ARFGEF3: variants seen among roughly 807,000 people sequenced by gnomAD.
ARFGEF3 encodes the protein ARFGEF family member 3.
A neutral mutation model predicts 221.7 loss-of-function variants in ARFGEF3; 96 were observed. The ratio of observed to expected loss-of-function variants is 0.43; its 90% CI spans 0.37 to 0.51. The LOEUF (loss-of-function observed/expected upper bound fraction) is 0.51. Ranked by LOEUF, ARFGEF3 falls within the 20% of genes least tolerant of loss-of-function variation. ARFGEF3 has a pLI of 0.00. For missense variants in ARFGEF3, 2,410 were observed against 2,789.9 expected, an observed-to-expected ratio of 0.86 and a Z score of 3.07; for synonymous variants, 1,145 against 1,126.8, an observed-to-expected ratio of 1.02 and a Z score of -0.32.
intron 17 of ARFGEF3, among the ~76,000 whole-genome samples, chr6:138,287,569 T>G (rs749522210): frequency 6.6e-6 from 1 of 152,206 alleles, no homozygotes; most frequent in Non-Finnish European, 1.5e-5. Flanking sequence ...AAGGGGAAAT[T>G]AAGCAGACGA....
chr6:138,301,408 G>A (rs185597090), intron 22 of ARFGEF3, among the ~76,000 whole-genome samples: 37 of 152,314 alleles, frequency 2.4e-4, no homozygotes, highest in African/African-American at 7.0e-4. Flanking sequence ...TTTGACCAGC[G>A]TGAGGCTGAC....
chr6:138,188,915 A>G (rs917912660), intron 2 of ARFGEF3, among the ~76,000 whole-genome samples: 3 of 152,242 alleles, frequency 2.0e-5, no homozygotes, highest in Admixed American at 2.0e-4. Flanking sequence ...GAGTGCTTGC[A>G]GTACAGGATC....
chr6:138,260,449 A>G (rs963062838), intron 10 of ARFGEF3, among the ~76,000 whole-genome samples: 14 of 152,206 alleles, frequency 9.2e-5, no homozygotes, highest in African/African-American at 1.7e-4. Context: ...GACATTTTCT[A>G]TAGACTTCTA....
At chr6:138,292,856 T>C (rs1192807750) in intron 19 of ARFGEF3, among the ~76,000 whole-genome samples, 3 of 152,236 alleles carry the variant, frequency 2.0e-5, no homozygotes, top group South Asian at 2.1e-4. Context: ...TTTTGCTGCT[T>C]ATCCAAGTTG....
intron 4 of ARFGEF3, among the ~76,000 whole-genome samples, chr6:138,222,166 C>G (rs1777994695): frequency 6.6e-6 from 1 of 152,072 alleles, no homozygotes; most frequent in African/African-American, 2.4e-5. Flanking sequence ...CAGGGGCTTC[C>G]AATCTTTTAG....
intron 6 of ARFGEF3, among the ~76,000 whole-genome samples, chr6:138,240,338 A>G (rs1778371127): frequency 6.6e-6 from 1 of 152,232 alleles, no homozygotes; most frequent in South Asian, 2.1e-4. Flanking sequence ...TAATATCCTA[A>G]TATTTTACAT....
intron 13 of ARFGEF3, among the ~76,000 whole-genome samples, chr6:138,279,602 A>G (rs939643169): frequency 6.6e-6 from 1 of 152,228 alleles, no homozygotes; most frequent in Non-Finnish European, 1.5e-5. Flanking sequence ...TGATTGCTTC[A>G]TGAGCATAAG....
chr6:138,295,192 C>G (rs562636663), intron 20 of ARFGEF3, among the ~76,000 whole-genome samples: 5 of 152,076 alleles, frequency 3.3e-5, no homozygotes, highest in Non-Finnish European at 7.4e-5. Flanking sequence ...AGACTTACTT[C>G]GGAATCAATC....
chr6:138,217,712 G>C (rs1777896483), intron 4 of ARFGEF3: 1 of 358,982 alleles, frequency 2.8e-6, no homozygotes, highest in Non-Finnish European at 4.8e-6. Context: ...TGGAGAGACA[G>C]AAACACATGT....
Position 138,334,953 on chromosome 6 carries a change from A to G in ARFGEF3, c.6107A>G (p.His2036Arg), listed in dbSNP as rs1170647485. The G allele has an allele frequency of 1.4e-5, 22 of 1,587,888 alleles. No individual in the cohort carries two copies. The highest frequency in any genetic ancestry group is 1.9e-5 in the Non-Finnish European group (22 of 1,167,764). Residue 2036 changes from histidine (H) to arginine (R), a missense_variant, in exon 33 of 34, where the codon CAC (histidine) becomes CGC (arginine). Physicochemically the swap from His to Arg is conservative, Grantham distance 29 (BLOSUM62 0). Transcript: ENST00000251691. This position sits in a 1 kb window ranked among gnomAD's most constrained non-coding sequence, Gnocchi z 5.1. ...GAATACAAAAAGAGGAAACAGCAGC[A>G]CAACCTGTCCGCGTTCCCCAAAGAG... ...MTEYKKRKQQ[H>R]NLSAFPKEVK...
chr6:138,270,488 T>C (rs1188616578), intron 12 of ARFGEF3, among the ~76,000 whole-genome samples: 1 of 146,978 alleles, frequency 6.8e-6, no homozygotes, highest in Non-Finnish European at 1.5e-5. Context: ...GCTCTAGCCA[T>C]TTCTGAGATC....
chr6:138,255,836 A>G, intron 10 of ARFGEF3, 67 bp downstream of exon 10: 1 of 1,329,048 alleles, frequency 7.5e-7, no homozygotes, highest in Non-Finnish European at 1.0e-6. Context: ...GCATACAAGA[A>G]GCGCTCAGAA....
chr6:138,333,305 T>C (rs138639221), intron 32 of ARFGEF3, among the ~76,000 whole-genome samples: 4 of 152,274 alleles, frequency 2.6e-5, no homozygotes, highest in African/African-American at 9.6e-5. Context: ...CAAAATATAT[T>C]CTGTGTCCCC....
intron 12 of ARFGEF3, among the ~76,000 whole-genome samples, chr6:138,271,060 G>A (rs181092100): frequency 6.6e-5 from 10 of 152,292 alleles, no homozygotes; most frequent in East Asian, 3.9e-4. Flanking sequence ...GATGATAGGC[G>A]CCTCAAAGGC....
In ARFGEF3 at chr6:138,170,685, A is replaced by G. The variant is rs1383972068; in HGVS notation, c.109A>G (p.Ile37Val). ...AGAAACTCTAGGTGGTCTGGATACC[A>G]TTGTCAAGATCCCTCCACATGTACT... ...ALETLGGLDT[I>V]VKIPPHVLRE... Residue 37 changes from isoleucine to valine, a missense_variant, in exon 2 of 34, where the codon ATT becomes GTT. Around this residue, in one of 5 missense-constraint regions of ARFGEF3, gnomAD observed 570 missense variants for 586.9 expected, o/e 0.97. Transcript: ENST00000251691. 3 of 1,589,008 alleles carry G rather than the reference A, an allele frequency of 1.9e-6. No homozygotes were observed. Among genetic ancestry groups the G allele is most frequent in the South Asian group, 2.2e-5 (2 of 90,508 alleles).
intron 2 of ARFGEF3, among the ~76,000 whole-genome samples, chr6:138,191,721 T>C (rs1056888426): frequency 6.6e-6 from 1 of 152,208 alleles, no homozygotes; most frequent in African/African-American, 2.4e-5. Context: ...TACAAAAATA[T>C]AGCTGCTATC....
At chr6:138,240,973 A>T (rs1778385511) in intron 6 of ARFGEF3, among the ~76,000 whole-genome samples, 1 of 152,144 alleles carries the variant, frequency 6.6e-6, no homozygotes, top group Non-Finnish European at 1.5e-5. Context: ...CAGGACCCCC[A>T]AATTTTTTAT....
At chr6:138,223,774 T>C (rs1403346511) in intron 4 of ARFGEF3, among the ~76,000 whole-genome samples, 1 of 152,214 alleles carries the variant, frequency 6.6e-6, no homozygotes, top group Non-Finnish European at 1.5e-5. Context: ...CATGAAAGGA[T>C]GAATACAGCA....
intron 5 of ARFGEF3, among the ~76,000 whole-genome samples, 162 bp downstream of exon 5, chr6:138,230,014 G>A (rs1778163283): frequency 6.6e-6 from 1 of 152,124 alleles, no homozygotes; most frequent in South Asian, 2.1e-4. Flanking sequence ...AGCGTGCTGT[G>A]TGGTGCGCCA....
Sources: gnomAD v4.1 joint callset for allele counts (sites outside exome capture counted in the v4.1 genomes callset) on GRCh38, gnomAD v4.1.1 for gene constraint, gnomAD v4.1.1 regional missense constraint, Gnocchi (gnomAD v3.1) non-coding constraint, MANE v1.5 for transcripts, NCBI Gene and HGNC (gene_info 2026-07-23, HGNC 2026-07-21) for gene names.